The following RELN variants were observed in gnomAD, a reference collection of about 807,000 sequenced individuals.
RELN encodes the protein reelin.
In RELN, 108 loss-of-function variants were observed where a neutral mutation model predicts 427.6. That is an observed-to-expected ratio of 0.25 (90% CI 0.22 to 0.30). The LOEUF is 0.30. Ranked by LOEUF, RELN falls within the 10% of genes least tolerant of loss-of-function variation. The pLI is 1.00. For missense variants in RELN, 3,715 were observed against 4,302.8 expected (o/e 0.86, Z 3.82); for synonymous variants, 1,524 against 1,513.4 (o/e 1.01, Z -0.16).
intron 40 of RELN, among the ~76,000 whole-genome samples, chr7:103,551,938 G>GT (rs1554376284): frequency 0.035 from 5,008 of 144,796 alleles, 95 homozygotes; most frequent in South Asian, 0.12. Flanking sequence ...TGTGTGTGTG[G>GT]GTGTGTGTGT....
chr7:103,830,735 T>C (rs751028790), intron 3 of RELN, among the ~76,000 whole-genome samples: 16 of 152,056 alleles, frequency 1.1e-4, no homozygotes, highest in Non-Finnish European at 2.4e-4. Context: ...TGTTCACTTT[T>C]AACTTCTCCT....
chr7:103,618,951 A>G (rs1832148214), intron 20 of RELN, among the ~76,000 whole-genome samples: 1 of 152,136 alleles, frequency 6.6e-6, no homozygotes, highest in African/African-American at 2.4e-5. Context: ...TCTCTACTAA[A>G]AACACAAAAA....
At chr7:103,908,574 C>T (rs1227072812) in intron 2 of RELN, among the ~76,000 whole-genome samples, 1 of 152,140 alleles carries the variant, frequency 6.6e-6, no homozygotes, top group Non-Finnish European at 1.5e-5. Context: ...CACCTTGGCT[C>T]AAATCTCATG....
chr7:103,753,360 T>C, intron 4 of RELN, 146 bp from the exon 5 acceptor site: 1 of 718,716 alleles, frequency 1.4e-6, no homozygotes, highest in Non-Finnish European at 2.4e-6. Flanking sequence ...TAGGAGTTTC[T>C]GGAACCCTTG....
chr7:103,580,908 G>T (rs1831116313), intron 28 of RELN, among the ~76,000 whole-genome samples: 1 of 152,128 alleles, frequency 6.6e-6, no homozygotes, highest in African/African-American at 2.4e-5. Flanking sequence ...CAACTTCATG[G>T]CACATTACAC....
chr7:103,639,317 A>G (rs1451582989), intron 17 of RELN, among the ~76,000 whole-genome samples: 1 of 152,130 alleles, frequency 6.6e-6, no homozygotes, highest in Non-Finnish European at 1.5e-5. Context: ...ACTGAAATAT[A>G]GTTAGAAAGT....
chr7:103,510,805 T>TA (rs1829381887), intron 51 of RELN, 46 bp downstream of exon 51: 1 of 1,461,244 alleles, frequency 6.8e-7, no homozygotes, highest in Non-Finnish European at 9.6e-7. Flanking sequence ...TTTTGTTATA[T>TA]TGCTAATGTA....
chr7:103,502,130 T>C (rs1829051088), intron 52 of RELN, among the ~76,000 whole-genome samples: 1 of 152,234 alleles, frequency 6.6e-6, no homozygotes, highest in Non-Finnish European at 1.5e-5. Context: ...GATTCGTTCA[T>C]TATAGATATA....
intron 11 of RELN, among the ~76,000 whole-genome samples, chr7:103,678,537 G>A (rs1051447558): frequency 1.6e-4 from 25 of 152,164 alleles, no homozygotes. Context: ...TGTGATCTGA[G>A]ATAAAATACT....
intron 1 of RELN, among the ~76,000 whole-genome samples, chr7:103,975,476 A>G (rs1796850757): frequency 6.6e-6 from 1 of 152,200 alleles, no homozygotes; most frequent in Non-Finnish European, 1.5e-5. Context: ...AGAAAAATAT[A>G]GCAGTCAAGG....
intron 4 of RELN, among the ~76,000 whole-genome samples, chr7:103,772,800 A>G (rs1454893392): frequency 2.0e-5 from 3 of 152,178 alleles, no homozygotes; most frequent in Non-Finnish European, 4.4e-5. Context: ...GAGGTAGGAG[A>G]GGCAAACTGA....
chr7:103,978,908 G>A (rs10244228), intron 1 of RELN, among the ~76,000 whole-genome samples: 4,168 of 152,150 alleles, frequency 0.027, 227 homozygotes, highest in African/African-American at 0.096. Flanking sequence ...CACCCTGGAG[G>A]CTCACAGATT....
At chr7:103,919,899 G>A (rs1450885689) in intron 1 of RELN, among the ~76,000 whole-genome samples, 1 of 152,176 alleles carries the variant, frequency 6.6e-6, no homozygotes, top group Non-Finnish European at 1.5e-5. Context: ...ACTTGTGAAT[G>A]TAAAATTATT....
At chr7:103,489,997 A>C in intron 59 of RELN, 98 bp from the exon 60 acceptor site, 4 of 1,419,316 alleles carry the variant, frequency 2.8e-6, no homozygotes, top group Non-Finnish European at 3.9e-6. Context: ...ATTTGTGAGA[A>C]AAGGGCTTCC....
chr7:103,950,522 G>T (rs1402602688), intron 1 of RELN, among the ~76,000 whole-genome samples: 1 of 152,070 alleles, frequency 6.6e-6, no homozygotes, highest in Non-Finnish European at 1.5e-5. Context: ...TTTATTTAAA[G>T]TGGTTCCTCA....
At position 103,610,788 on chromosome 7, in the gene RELN, G is replaced by C; in HGVS notation, c.2915C>G (p.Pro972Arg). 3.1e-6 allele frequency: 5 copies of C among 1,607,780 alleles called. No homozygotes were observed. Among genetic ancestry groups the C allele is most frequent in the Non-Finnish European group, 4.3e-6 (5 of 1,174,578 alleles). ...TGCTGATGTAAATTCCTGACAACTT[G>C]GCATACTTGGAAGGCATTCCTGAAA... is the stretch of plus-strand genomic sequence containing the variant. The part of the protein sequence containing the change: ...LVQEECLPSM[P>R]SCQEFTSASI... The change falls in exon 22 of 65, where the codon CCA (proline) becomes CGA (arginine). Residue 972 changes from proline to arginine, a missense_variant. Pro to Arg is a moderately radical substitution (Grantham distance 103, BLOSUM62 -2). Coordinates refer to ENST00000428762, the MANE Select transcript of RELN (RefSeq NM_005045.4).
intron 2 of RELN, among the ~76,000 whole-genome samples, chr7:103,858,002 G>A (rs1486635206): frequency 6.6e-6 from 1 of 151,388 alleles, no homozygotes; most frequent in African/African-American, 2.4e-5. Flanking sequence ...CTCTTCAATG[G>A]TTTCTTTTTT....
chr7:103,657,291 T>C (rs1192111816), intron 12 of RELN, among the ~76,000 whole-genome samples: 1 of 152,050 alleles, frequency 6.6e-6, no homozygotes, highest in African/African-American at 2.4e-5. Flanking sequence ...ACTAAAGCCA[T>C]TGTAATTGAT....
chr7:103,822,021 G>C (rs948416535), intron 3 of RELN, among the ~76,000 whole-genome samples: 25 of 152,032 alleles, frequency 1.6e-4, no homozygotes, highest in African/African-American at 6.0e-4. Flanking sequence ...CGCTAAAATA[G>C]AGATGGAAAT....
Sources: gnomAD v4.1 joint callset for allele counts (sites outside exome capture counted in the v4.1 genomes callset) on GRCh38, gnomAD v4.1.1 for gene constraint, MANE v1.5 for transcripts, NCBI Gene and HGNC (gene_info 2026-07-23, HGNC 2026-07-21) for gene names.